The following MAPKAPK5 variants were observed in gnomAD, a reference collection of about 807,000 sequenced individuals.
MAPKAPK5 encodes MAPK activated protein kinase 5, also known as MAP kinase-activated protein kinase 5.
A neutral mutation model predicts 65.1 loss-of-function variants in MAPKAPK5; 30 were observed. The ratio of observed to expected loss-of-function variants is 0.46; its 90% CI spans 0.34 to 0.63. The LOEUF (loss-of-function observed/expected upper bound fraction) is 0.63, where lower values mean the gene tolerates loss of function less well. MAPKAPK5 is among the 20% of genes least tolerant of loss of function. The pLI is 0.01. For synonymous variants in MAPKAPK5, 179 were observed against 204.6 expected (o/e 0.87, Z 1.07); for missense variants, 433 against 581.4 (o/e 0.74, Z 2.63).
chr12:111,884,092 G>A (rs2070324912), intron 9 of MAPKAPK5, among the ~76,000 whole-genome samples: 3 of 152,136 alleles, frequency 2.0e-5, no homozygotes, highest in South Asian at 4.1e-4. Flanking sequence ...GAGCTGGCAT[G>A]TCATTTGGGA....
intron 3 of MAPKAPK5, among the ~76,000 whole-genome samples, 183 bp downstream of exon 3, chr12:111,866,414 C>A (rs1296917579): frequency 6.6e-6 from 1 of 152,200 alleles, no homozygotes; most frequent in East Asian, 1.9e-4. Flanking sequence ...ATATCAAAGG[C>A]CATTGAGTCA....
intron 13 of MAPKAPK5, among the ~76,000 whole-genome samples, chr12:111,892,006 A>G (rs574183911): frequency 6.6e-6 from 1 of 152,052 alleles, no homozygotes; most frequent in Non-Finnish European, 1.5e-5. Flanking sequence ...GATTTCTAGC[A>G]CTGTAGCCTA....
At chr12:111,848,220 T>G (rs1274282872) in intron 1 of MAPKAPK5, among the ~76,000 whole-genome samples, 1 of 152,202 alleles carries the variant, frequency 6.6e-6, no homozygotes, top group African/African-American at 2.4e-5. Context: ...AAAGTCCTGT[T>G]TTTTTCTACC....
chr12:111,883,897 C>T lies in MAPKAPK5; in HGVS notation c.848+129C>T, dbSNP rs2070317969. ...CTCCCCGTTTTAATATCACAGAAAT[C>T]TCTCTGGAGCCTGAGGTGACTGTTC... On this transcript the variant is annotated intron_variant, in intron 9 of 13. Coordinates refer to ENST00000550735, the MANE Select transcript of MAPKAPK5 (RefSeq NM_003668.4). The surrounding 1 kb of genome is among the most constrained non-coding windows in gnomAD (Gnocchi z 4.8). The T allele has an allele frequency of 2.2e-6, 2 of 920,020 alleles. No homozygotes were observed. The highest frequency in any genetic ancestry group is 3.3e-5 in the African/African-American group (2 of 59,816). The allele number at this position is 920,020 out of a possible 1,614,324, so 57.0% of individuals were successfully genotyped here.
chr12:111,848,998 A>C (rs1400937928), intron 1 of MAPKAPK5, among the ~76,000 whole-genome samples: 2 of 152,106 alleles, frequency 1.3e-5, no homozygotes, highest in African/African-American at 2.4e-5. Flanking sequence ...TTCTGACCTC[A>C]AGTGATCCGC....
chr12:111,875,331 C>T (rs2136123609), intron 7 of MAPKAPK5, among the ~76,000 whole-genome samples: 1 of 152,202 alleles, frequency 6.6e-6, no homozygotes, highest in African/African-American at 2.4e-5. Flanking sequence ...GCCTCAGTGG[C>T]ATGGGATTCC....
chr12:111,900,070 C>T lies in MAPKAPK5; in HGVS notation c.*7009C>T, dbSNP rs7309681. Reference sequence around the variant, plus strand: ...GTCATTGCTCTGGCCAACAGCTTCACTAGGGGAATAAACACAGAGGTGGTG... The same window carrying T: ...GTCATTGCTCTGGCCAACAGCTTCATTAGGGGAATAAACACAGAGGTGGTG... On this transcript the variant is annotated 3_prime_UTR_variant, in exon 14 of 14. Coordinates refer to ENST00000550735, the MANE Select transcript of MAPKAPK5 (RefSeq NM_003668.4). 0.059 allele frequency: 26,826 copies of T among 455,986 alleles called. 4,348 individuals carry two copies. The East Asian group carries it at 0.64, about 11-fold the overall frequency. The allele number at this position is 455,986 out of a possible 1,614,324, so 28.2% of individuals were successfully genotyped here.
At chr12:111,857,484 C>T (rs544382050) in intron 1 of MAPKAPK5, among the ~76,000 whole-genome samples, 1 of 152,098 alleles carries the variant, frequency 6.6e-6, no homozygotes, top group East Asian at 1.9e-4. Flanking sequence ...AACTCCTGAC[C>T]TCAGGTGATC....
intron 1 of MAPKAPK5, among the ~76,000 whole-genome samples, chr12:111,845,968 T>A (rs936284636): frequency 1.3e-5 from 2 of 152,148 alleles, no homozygotes. Context: ...GAATATTAGC[T>A]CATAGCAACT....
chr12:111,885,272 C>T (rs2070365406), intron 9 of MAPKAPK5, among the ~76,000 whole-genome samples: 1 of 152,110 alleles, frequency 6.6e-6, no homozygotes, highest in Non-Finnish European at 1.5e-5. Flanking sequence ...AGGGAACGGG[C>T]TGAGATGAGC....
rs12231873 is a variant in MAPKAPK5 at position 111,894,111 on chromosome 12, C to G, written c.*1050C>G. 1.3e-5 allele frequency: 2 copies of G among 153,278 alleles called. No individual in the cohort carries two copies. The highest frequency in any genetic ancestry group is 4.8e-5 in the African/African-American group (2 of 41,366). 9.5% of individuals were successfully genotyped at this position (153,278 alleles called of 1,614,324 possible). On this transcript the variant is annotated 3_prime_UTR_variant, in exon 14 of 14. Coordinates refer to ENST00000550735, the MANE Select transcript of MAPKAPK5 (RefSeq NM_003668.4). ...AGGGTGGAGTGCAGTGGCACGATCT[C>G]GGCTCACTGCAACCTCTGTCTCCCA...
chr12:111,889,017 T>G lies in MAPKAPK5; in HGVS notation c.1216+17T>G. 1 of 1,559,170 alleles carries G rather than the reference T, an allele frequency of 6.4e-7. No individual in the cohort carries two copies. The highest frequency in any genetic ancestry group is 8.7e-7 in the Non-Finnish European group (1 of 1,151,026). On this transcript the variant is annotated intron_variant, in intron 12 of 13. Transcript: ENST00000550735. ...CCCAGGCTGGTAAAGGTCACACCAT[T>G]TACTAATCCTCTGTGTGTCTGTGAG...
intron 1 of MAPKAPK5, among the ~76,000 whole-genome samples, chr12:111,851,149 C>T (rs1430026401): frequency 6.6e-6 from 1 of 152,118 alleles, no homozygotes; most frequent in Non-Finnish European, 1.5e-5. Context: ...CCGCCTGCCT[C>T]GGCCTCCCAA....
At chr12:111,849,240 C>T (rs981261425) in intron 1 of MAPKAPK5, among the ~76,000 whole-genome samples, 26 of 146,072 alleles carry the variant, frequency 1.8e-4, no homozygotes, top group Non-Finnish European at 3.8e-4. Context: ...GCCAAGAGTT[C>T]TTTTTTTTTT....
chr12:111,845,915 T>G (rs2068894442), intron 1 of MAPKAPK5, among the ~76,000 whole-genome samples: 1 of 152,094 alleles, frequency 6.6e-6, no homozygotes, highest in African/African-American at 2.4e-5. Flanking sequence ...AGAGTTAGAC[T>G]CCTTCTCAAA....
chr12:111,899,079 G>C lies in MAPKAPK5; in HGVS notation c.*6018G>C, dbSNP rs2070927897. 6.6e-6 allele frequency: 1 copy of C among 152,298 alleles called. No homozygotes were observed. The highest frequency in any genetic ancestry group is 6.5e-5 in the Admixed American group (1 of 15,286). The allele number at this position is 152,298 out of a possible 1,614,324, so 9.4% of individuals were successfully genotyped here. The stretch of plus-strand genomic sequence containing the variant: ...ATACTAAAGAAACTGCCGAAGGCCA[G>C]GAGAGAAGCAGGAAGAGAAACACGG... On this transcript the variant is annotated 3_prime_UTR_variant, in exon 14 of 14. Coordinates refer to ENST00000550735, the MANE Select transcript of MAPKAPK5 (RefSeq NM_003668.4).
At chr12:111,856,569 T>G (rs35704336) in intron 1 of MAPKAPK5, among the ~76,000 whole-genome samples, 29,776 of 151,618 alleles carry the variant, frequency 0.2, 3,135 homozygotes, top group Middle Eastern at 0.28. Flanking sequence ...ACCATGCCTG[T>G]CTAATTTTTG....
intron 3 of MAPKAPK5, among the ~76,000 whole-genome samples, chr12:111,866,990 A>C (rs2069636180): frequency 6.6e-6 from 1 of 152,144 alleles, no homozygotes; most frequent in Non-Finnish European, 1.5e-5. Context: ...ATGCAGTGGC[A>C]CGATCATGGC....
At chr12:111,886,636 C>T (rs1485050317) in intron 10 of MAPKAPK5, among the ~76,000 whole-genome samples, 2 of 152,218 alleles carry the variant, frequency 1.3e-5, no homozygotes, top group Admixed American at 1.3e-4. Flanking sequence ...AAAACACATG[C>T]AAATACATCA....
Sources: gnomAD v4.1 joint callset for allele counts (sites outside exome capture counted in the v4.1 genomes callset) on GRCh38, gnomAD v4.1.1 for gene constraint, Gnocchi (gnomAD v3.1) non-coding constraint, MANE v1.5 for transcripts, NCBI Gene and HGNC (gene_info 2026-07-23, HGNC 2026-07-21) for gene names.